Variants in SNU13 observed in about 807,000 individuals in gnomAD.
The protein encoded by SNU13 is NHP2-like protein 1.
A neutral mutation model predicts 12.4 loss-of-function variants in SNU13; 2 were observed. That is an observed-to-expected ratio of 0.16 (90% CI 0.07 to 0.51). The LOEUF (loss-of-function observed/expected upper bound fraction) is 0.51. Ranked by LOEUF, SNU13 falls within the 20% of genes least tolerant of loss-of-function variation. The pLI is 0.96. For synonymous variants in SNU13, 68 were observed against 66.5 expected (o/e 1.02, Z -0.11); for missense variants, 66 against 157.8 (o/e 0.42, Z 3.12).
upstream of SNU13, among the ~76,000 whole-genome samples, chr22:41,689,833 C>A (rs974939129): frequency 2.0e-5 from 3 of 151,910 alleles, no homozygotes; most frequent in African/African-American, 7.3e-5. Flanking sequence ...ACAAAATTAG[C>A]CGGGCGTGGT....
At chr22:41,675,411 GACC>G (rs2068203255) in intron 2 of SNU13, among the ~76,000 whole-genome samples, 2 of 151,894 alleles carry the variant, frequency 1.3e-5, no homozygotes, top group Non-Finnish European at 2.9e-5. Flanking sequence ...TCCTGAATCT[GACC>G]ACTTCTTCTT....
At chr22:41,682,519 G>A (rs2068273800) in intron 1 of SNU13, 2 of 1,528,212 alleles carry the variant, frequency 1.3e-6, no homozygotes, top group East Asian at 2.4e-5. Context: ...GGGCCAGCCC[G>A]TACACCAGGA....
intron 1 of SNU13, among the ~76,000 whole-genome samples, chr22:41,684,746 A>T (rs2068296508): frequency 6.6e-6 from 1 of 152,214 alleles, no homozygotes; most frequent in Non-Finnish European, 1.5e-5. Context: ...GCAGTGGCTC[A>T]GGCCTATAAT....
chr22:41,684,267 G>C (rs1052033201), intron 1 of SNU13, among the ~76,000 whole-genome samples: 4 of 152,114 alleles, frequency 2.6e-5, no homozygotes, highest in Admixed American at 2.6e-4. Flanking sequence ...GAGAAAGAGG[G>C]GCTTCGGAAA....
chr22:41,684,014 T>C (rs2068288640), intron 1 of SNU13, among the ~76,000 whole-genome samples: 2 of 152,112 alleles, frequency 1.3e-5, no homozygotes, highest in Admixed American at 1.3e-4. Context: ...GCAATTCTCC[T>C]ACCTCAGCCC....
At chr22:41,677,053 C>G (rs1009443625) in intron 2 of SNU13, among the ~76,000 whole-genome samples, 1 of 152,184 alleles carries the variant, frequency 6.6e-6, no homozygotes, top group African/African-American at 2.4e-5. Flanking sequence ...CTGCTGGCCT[C>G]CTTTGGGGCA....
chr22:41,687,771 A>C (rs568138999), intron 1 of SNU13: 44 of 152,326 alleles, frequency 2.9e-4, no homozygotes, highest in African/African-American at 9.6e-4. Context: ...ATTTCATTTG[A>C]TCCTCACAAC....
In SNU13 at chr22:41,674,451, CCAAATGATACCTAATCCCCCAAGAG is replaced by C. The variant is rs1460232095; in HGVS notation, c.*457_*481del. 6.2e-6 allele frequency: 1 copy of C among 160,842 alleles called. No individual in the cohort carries two copies. The highest frequency in any genetic ancestry group is 5.9e-5 in the Admixed American group (1 of 16,868). The allele number at this position is 160,842 out of a possible 1,614,324, so 10.0% of individuals were successfully genotyped here. The stretch of plus-strand genomic sequence containing the variant: ...ACCTCACAGAACACATGCTTCCTCC[CCAAATGATACCTAATCCCCCAAGAG>C]CAAATGAAACCCCTTGATCACTTGA... On this transcript the variant is annotated 3_prime_UTR_variant, in exon 3 of 3. Coordinates refer to ENST00000401959, the MANE Select transcript of SNU13 (RefSeq NM_001003796.2).
At chr22:41,677,595 T>C (rs1300697134) in intron 2 of SNU13, among the ~76,000 whole-genome samples, 4 of 152,312 alleles carry the variant, frequency 2.6e-5, no homozygotes, top group Non-Finnish European at 4.4e-5. Flanking sequence ...TTCATTTCTA[T>C]TGATATTACT....
At chr22:41,675,315 G>C (rs1337695813) in intron 2 of SNU13, 120 bp from the exon 3 acceptor site, 1 of 1,279,224 alleles carries the variant, frequency 7.8e-7, no homozygotes, top group Non-Finnish European at 1.1e-6. Flanking sequence ...CCTGGGATAT[G>C]ATAAAGGATT....
At chr22:41,681,558 G>A (rs140337593) in intron 1 of SNU13, 5 of 152,282 alleles carry the variant, frequency 3.3e-5, no homozygotes, top group East Asian at 3.9e-4. Flanking sequence ...TCACTCTTCC[G>A]CCTAATAAAT....
At chr22:41,689,135 GC>G (rs776684390), upstream of SNU13, 12 of 1,043,780 alleles carry the variant, frequency 1.1e-5, no homozygotes, top group East Asian at 2.8e-4. Context: ...GCCGAGGCGG[GC>G]GCATCACCTG....
At chr22:41,685,074 G>C (rs571491427) in intron 1 of SNU13, among the ~76,000 whole-genome samples, 1 of 148,634 alleles carries the variant, frequency 6.7e-6, no homozygotes, top group Admixed American at 6.8e-5. Flanking sequence ...AGAATGGCTT[G>C]AACCCGGGAA....
chr22:41,675,507 C>T (rs757778453), intron 2 of SNU13, among the ~76,000 whole-genome samples: 2 of 151,866 alleles, frequency 1.3e-5, no homozygotes, highest in Non-Finnish European at 2.9e-5. Flanking sequence ...CTTCAACCTC[C>T]GCTTCCCGGG....
chr22:41,677,713 C>G (rs1360308036), intron 2 of SNU13, among the ~76,000 whole-genome samples: 2 of 152,152 alleles, frequency 1.3e-5, no homozygotes, highest in Admixed American at 6.6e-5. Flanking sequence ...TACCATTGTA[C>G]TCACTGCTAA....
chr22:41,686,231 C>A (rs1419187729), intron 1 of SNU13, among the ~76,000 whole-genome samples: 1 of 151,442 alleles, frequency 6.6e-6, no homozygotes, highest in Non-Finnish European at 1.5e-5. Flanking sequence ...CTTTTTCTTT[C>A]TTTCCTTTCT....
intron 2 of SNU13, among the ~76,000 whole-genome samples, chr22:41,677,354 T>A (rs1431153935): frequency 6.6e-6 from 1 of 151,878 alleles, no homozygotes; most frequent in Non-Finnish European, 1.5e-5. Flanking sequence ...CAAAACCCCA[T>A]CTCTACTAAA....
intron 1 of SNU13, among the ~76,000 whole-genome samples, chr22:41,683,263 G>C (rs924719803): frequency 6.6e-6 from 1 of 152,208 alleles, no homozygotes; most frequent in Non-Finnish European, 1.5e-5. Flanking sequence ...GCCTCCCAAA[G>C]TGTTGGGATT....
intron 2 of SNU13, among the ~76,000 whole-genome samples, chr22:41,679,207 G>T (rs1230833514): frequency 6.6e-6 from 1 of 151,778 alleles, no homozygotes. Context: ...TCAGGAGTTC[G>T]AGACCAGCCT....
Sources: gnomAD v4.1 joint callset for allele counts (sites outside exome capture counted in the v4.1 genomes callset) on GRCh38, gnomAD v4.1.1 for gene constraint, MANE v1.5 for transcripts, NCBI Gene and HGNC (gene_info 2026-07-23, HGNC 2026-07-21) for gene names.